SCML1: variants seen among roughly 807,000 people sequenced by gnomAD.
The protein encoded by SCML1 is sex comb on midleg-like protein 1.
For synonymous variants in SCML1, 104 were observed against 103.6 expected, an observed-to-expected ratio of 1.00 and a Z score of -0.02; for missense variants, 137 against 258.1, an observed-to-expected ratio of 0.53 and a Z score of 3.22.
intron 7 of SCML1, among the ~76,000 whole-genome samples, chrX:17,752,661 T>C (rs2066722908): frequency 8.9e-6 from 1 of 112,421 alleles, no homozygotes; most frequent in Non-Finnish European, 1.9e-5. Flanking sequence ...TAAGGAATTT[T>C]AGGAGAATGC....
intron 2 of SCML1, chrX:17,745,208 T>G (rs966026698): frequency 7.9e-6 from 2 of 252,444 alleles, no homozygotes; most frequent in Non-Finnish European, 1.4e-5. Context: ...GACTAGTCTT[T>G]CTACCATGAA....
At chrX:17,747,052 G>A (rs763855065) in intron 4 of SCML1, among the ~76,000 whole-genome samples, 1 of 111,594 alleles carries the variant, frequency 9.0e-6, no homozygotes, top group East Asian at 2.8e-4. Flanking sequence ...GCTTAGTCTG[G>A]AAGCAGAGGA....
At chrX:17,747,011 C>G (rs990880096) in intron 4 of SCML1, among the ~76,000 whole-genome samples, 8 of 112,265 alleles carry the variant, frequency 7.1e-5, no homozygotes, top group Non-Finnish European at 1.3e-4. Context: ...GTTCTTTCAT[C>G]CCAGTTCCCT....
intron 4 of SCML1, among the ~76,000 whole-genome samples, chrX:17,747,801 C>A (rs2066656648): frequency 8.9e-6 from 1 of 112,023 alleles, no homozygotes; most frequent in Admixed American, 9.4e-5. Context: ...TAGCAAGGTT[C>A]TCGTCCTCGA....
At chrX:17,752,512 GGT>G (rs1490043231) in intron 7 of SCML1, among the ~76,000 whole-genome samples, 2 of 112,348 alleles carry the variant, frequency 1.8e-5, no homozygotes, top group African/African-American at 6.5e-5. Flanking sequence ...AAGTATAGAA[GGT>G]GCCAAACAAA....
In SCML1 at chrX:17,745,196, A is replaced by G. The variant is rs2147169932; in HGVS notation, c.34-260A>G. 4 of 233,077 alleles carry G rather than the reference A, an allele frequency of 1.7e-5. No individual in the cohort carries two copies. In the East Asian group the frequency reaches 2.9e-4, roughly 17 times the overall value. 19.2% of individuals were successfully genotyped at this position (233,077 alleles called of 1,213,427 possible). A position where few individuals can be genotyped will look rare whatever the true frequency, so the allele number is the denominator to read the frequency against. ...GCTTTTAAAGTATTTCTGGTGCTAAAGGACTAGTCTTTCTACCATGAAGCA... is the reference window on the plus strand; with the variant it reads ...GCTTTTAAAGTATTTCTGGTGCTAAGGGACTAGTCTTTCTACCATGAAGCA... On this transcript the variant is annotated intron_variant, in intron 2 of 7. Coordinates refer to ENST00000380041, the MANE Select transcript of SCML1 (RefSeq NM_001037540.3).
At chrX:17,745,971 T>C in intron 3 of SCML1, 47 bp from the exon 4 acceptor site, 1 of 816,710 alleles carries the variant, frequency 1.2e-6, no homozygotes. Context: ...GTGTTCAGTT[T>C]GGCTGTTACA....
chrX:17,743,581 T>C (rs1448298488), intron 1 of SCML1, among the ~76,000 whole-genome samples: 1 of 111,784 alleles, frequency 8.9e-6, no homozygotes, highest in Non-Finnish European at 1.9e-5. Context: ...ACTTGAAAGT[T>C]GAAATGGACC....
At chrX:17,739,587 AC>A (rs1184338296) in intron 1 of SCML1, among the ~76,000 whole-genome samples, 1 of 110,901 alleles carries the variant, frequency 9.0e-6, no homozygotes, top group East Asian at 2.8e-4. Context: ...GGTGGCTCAC[AC>A]CTGTAATCCC....
upstream of SCML1, among the ~76,000 whole-genome samples, chrX:17,737,226 C>G (rs1273471940): frequency 2.8e-5 from 3 of 108,688 alleles, no homozygotes; most frequent in Non-Finnish European, 5.8e-5. Context: ...CCACAGCCAT[C>G]TCCTCAGCAA....
intron 2 of SCML1, 191 bp from the exon 3 acceptor site, chrX:17,745,265 T>C: frequency 2.7e-6 from 1 of 367,053 alleles, no homozygotes; most frequent in Non-Finnish European, 4.8e-6. Flanking sequence ...TTAAGTGTAG[T>C]TGGGTTAATG....
chrX:17,750,068 T>C lies in SCML1; in HGVS notation c.478T>C (p.Cys160Arg). The C allele has an allele frequency of 3.3e-6, 4 of 1,211,977 alleles. No homozygotes were observed. The East Asian group carries it at 8.9e-5, about 27-fold the overall frequency. ...GAGCAACCTTCCAAGGCCATCCTTT[T>C]GCATGGAAGAATACCAGCGAGCTGA... ...SPSNLPRPSF[C>R]MEEYQRAELE... The change falls in exon 6 of 8, where the codon TGC becomes CGC. Residue 160 changes from cysteine (C) to arginine (R), a missense_variant. Cys to Arg is a radical substitution (Grantham distance 180, BLOSUM62 -3). Coordinates refer to ENST00000380041, the MANE Select transcript of SCML1 (RefSeq NM_001037540.3).
chrX:17,751,729 C>A, intron 6 of SCML1, 86 bp from the exon 7 acceptor site: 1 of 1,007,340 alleles, frequency 9.9e-7, no homozygotes, highest in Non-Finnish European at 1.4e-6. Context: ...GAGAGCATTC[C>A]TCCTTACCTA....
Position 17,751,888 on chromosome X carries a change from G to A in SCML1, c.777G>A (p.Ser259=), listed in dbSNP as rs745686597. ...TCACTAAGCACCCTTCAACCTGGTC[G>A]GTGGAAGCAGTGGTCCTATTTCTAA... ...GSITKHPSTW[S]VEAVVLFLKQ... is the part of the protein sequence containing the mutation. The change falls in exon 7 of 8, where the codon TCG becomes TCA. Residue 259 remains serine, a synonymous_variant. Transcript: ENST00000380041. 1.5e-5 allele frequency: 18 copies of A among 1,208,924 alleles called. No homozygotes were observed. The South Asian group carries it at 1.8e-4, about 12-fold the overall frequency.
Position 17,744,094 on chromosome X carries a change from G to A in SCML1, c.-93G>A, listed in dbSNP as rs2066623673. ...AGGAGTAGAGGTTTACCACTCTTAG[G>A]TGACTAAGCAGTATCACAAATAAAC... On this transcript the variant is annotated 5_prime_UTR_variant, in exon 2 of 8. In the 5' UTR this introduces an upstream ATG that the reference lacks. Coordinates refer to ENST00000380041, the MANE Select transcript of SCML1 (RefSeq NM_001037540.3). 6 of 761,285 alleles carry A rather than the reference G, an allele frequency of 7.9e-6. No individual in the cohort carries two copies. In the South Asian group the frequency reaches 9.3e-5, roughly 12 times the overall value. 62.7% of individuals were successfully genotyped at this position (761,285 alleles called of 1,213,427 possible). A position where few individuals can be genotyped will look rare whatever the true frequency, so the allele number is the denominator to read the frequency against.
rs754993522 is a variant in SCML1 at position 17,747,369 on chromosome X, A to G, written c.198+1271A>G. On this transcript the variant is annotated intron_variant, in intron 4 of 7. Coordinates refer to ENST00000380041, the MANE Select transcript of SCML1 (RefSeq NM_001037540.3). ...CCTTCCCCTCTACGAGTTCTCCCAC[A>G]TCTTGGAGAAGCCACTTCTCTTGCT... Among the ~76,000 whole-genome samples, 445 of 109,898 alleles carry G rather than the reference A, an allele frequency of 4.0e-3. 4 individuals are homozygous for G. Among genetic ancestry groups the G allele is most frequent in the African/African-American group, 0.014 (420 of 30,101 alleles).
At chrX:17,743,100 A>C (rs1398101466) in intron 1 of SCML1, among the ~76,000 whole-genome samples, 1 of 112,243 alleles carries the variant, frequency 8.9e-6, no homozygotes, top group Non-Finnish European at 1.9e-5. Flanking sequence ...ATAGTTTAAA[A>C]AGTGAAATTT....
rs751071489 is a variant in SCML1, at chrX:17,745,465, A to G, written c.43A>G (p.Arg15Gly). The G allele has an allele frequency of 8.7e-7, 1 of 1,153,698 alleles. No individual in the cohort carries two copies. The highest frequency in any genetic ancestry group is 1.9e-5 in the South Asian group (1 of 53,009). The change falls in exon 3 of 8, where the codon AGA becomes GGA. Residue 15 changes from arginine (R) to glycine (G), a missense_variant. Arg to Gly is a moderately radical substitution (Grantham distance 125). Coordinates refer to ENST00000380041, the MANE Select transcript of SCML1 (RefSeq NM_001037540.3). ...SSSEIDVIKT[R>G]IPTYDEDDNT... ...GGTAAATTTTCCTCAGATAAAAACA[A>G]GAATACCTACTTACGATGAAGATGA... is the stretch of plus-strand genomic sequence containing the variant.
rs758982605 is a variant in SCML1, at chrX:17,745,471, C to T, written c.49C>T (p.Pro17Ser). The change falls in exon 3 of 8, where the codon CCT becomes TCT. Residue 17 changes from proline to serine, a missense_variant. Transcript: ENST00000380041. ...TTTTCCTCAGATAAAAACAAGAATA[C>T]CTACTTACGATGAAGATGACAACAC... ...SEIDVIKTRI[P>S]TYDEDDNTIL... The T allele has an allele frequency of 1.7e-6, 2 of 1,159,278 alleles. No individual in the cohort carries two copies. The highest frequency in any genetic ancestry group is 3.6e-5 in the African/African-American group (2 of 55,979).
Sources: gnomAD v4.1 joint callset for allele counts (sites outside exome capture counted in the v4.1 genomes callset) on GRCh38, gnomAD v4.1.1 for gene constraint, MANE v1.5 for transcripts, NCBI Gene and HGNC (gene_info 2026-07-23, HGNC 2026-07-21) for gene names.